SUCLA2: variants seen among roughly 807,000 people sequenced by gnomAD.
SUCLA2 encodes the protein succinate-CoA ligase ADP-forming subunit beta.
Under a neutral mutation model 54.8 loss-of-function variants are expected in SUCLA2, and 30 were observed. The observed-to-expected ratio is 0.55, with a 90% CI of 0.41 to 0.74. The LOEUF (loss-of-function observed/expected upper bound fraction) is 0.74, where lower values mean the gene tolerates loss of function less well. Ranked by LOEUF, SUCLA2 falls within the 30% of genes least tolerant of loss-of-function variation. The pLI, the probability that SUCLA2 is intolerant of heterozygous loss-of-function variation, is 0.00. For synonymous variants in SUCLA2, 172 were observed against 188.9 expected, an observed-to-expected ratio of 0.91 and a Z score of 0.74; for missense variants, 476 against 562.9, an observed-to-expected ratio of 0.85 and a Z score of 1.56.
intron 6 of SUCLA2, among the ~76,000 whole-genome samples, chr13:47,967,848 C>CAAAAAA (rs11349393): frequency 1.0e-5 from 1 of 96,184 alleles, no homozygotes. Context: ...GACTCAGTCT[C>CAAAAAA]AAAAAAAAAA....
At chr13:47,949,104 G>A in intron 9 of SUCLA2, 76 bp from the exon 10 acceptor site, 1 of 1,429,106 alleles carries the variant, frequency 7.0e-7, no homozygotes, top group South Asian at 1.1e-5. Context: ...CCAAAACATG[G>A]TATAAGAATA....
intron 2 of SUCLA2, among the ~76,000 whole-genome samples, chr13:47,996,467 C>T (rs1292107375): frequency 3.9e-5 from 6 of 151,918 alleles, no homozygotes; most frequent in African/African-American, 1.5e-4. Context: ...CTTATAAGCA[C>T]ATAAACAGCT....
intron 3 of SUCLA2, 64 bp downstream of exon 3, chr13:47,988,818 T>C: frequency 1.3e-6 from 2 of 1,595,422 alleles, no homozygotes; most frequent in Non-Finnish European, 1.7e-6. Flanking sequence ...TTTTCATCAA[T>C]TCAATAAGTA....
chr13:47,964,115 A>G (rs540169766), intron 6 of SUCLA2, among the ~76,000 whole-genome samples: 1 of 152,352 alleles, frequency 6.6e-6, no homozygotes, highest in African/African-American at 2.4e-5. Flanking sequence ...ACTTCTATAC[A>G]GTGGAATGCT....
intron 10 of SUCLA2, among the ~76,000 whole-genome samples, chr13:47,946,728 T>C (rs1011685516): frequency 1.3e-5 from 2 of 152,102 alleles, no homozygotes; most frequent in Non-Finnish European, 2.9e-5. Context: ...AATGCAGATA[T>C]AATTGCTTTC....
intron 6 of SUCLA2, among the ~76,000 whole-genome samples, chr13:47,956,013 GCA>G (rs1396912030): frequency 5.9e-5 from 9 of 152,098 alleles, no homozygotes; most frequent in South Asian, 4.1e-4. Flanking sequence ...CTCCCAAAAT[GCA>G]CAGTGTATGA....
intron 2 of SUCLA2, chr13:47,991,407 G>C (rs1248216032): frequency 6.6e-6 from 1 of 152,128 alleles, no homozygotes; most frequent in African/African-American, 2.4e-5. Context: ...TGTCCATGTG[G>C]GAAAAGCCCC....
At chr13:47,953,979 T>C (rs1366853738) in intron 8 of SUCLA2, among the ~76,000 whole-genome samples, 161 bp downstream of exon 8, 1 of 152,052 alleles carries the variant, frequency 6.6e-6, no homozygotes, top group Non-Finnish European at 1.5e-5. Context: ...TCTTGGTGAA[T>C]TGCAAAAATC....
At chr13:47,959,135 T>TA (rs910654193) in intron 6 of SUCLA2, among the ~76,000 whole-genome samples, 2 of 152,132 alleles carry the variant, frequency 1.3e-5, no homozygotes, top group Non-Finnish European at 2.9e-5. Context: ...TAATTCTGTT[T>TA]AAAAAATGTG....
intron 8 of SUCLA2, among the ~76,000 whole-genome samples, chr13:47,952,429 T>G (rs572954929): frequency 2.3e-4 from 35 of 152,216 alleles, no homozygotes; most frequent in Middle Eastern, 3.4e-3. Flanking sequence ...ATCTTTTCAA[T>G]GAACTGTCTA....
At chr13:47,969,331 T>C (rs1211079773) in intron 5 of SUCLA2, among the ~76,000 whole-genome samples, 1 of 152,234 alleles carries the variant, frequency 6.6e-6, no homozygotes, top group Admixed American at 6.5e-5. Context: ...AGAATACATG[T>C]CATACAGTCA....
chr13:47,956,721 T>C (rs2137697687), intron 6 of SUCLA2: 1 of 152,258 alleles, frequency 6.6e-6, no homozygotes, highest in South Asian at 2.1e-4. Context: ...GGAGGCATTT[T>C]TGTTTGTCAC....
intron 4 of SUCLA2, among the ~76,000 whole-genome samples, chr13:47,986,460 T>C (rs983412402): frequency 2.0e-5 from 3 of 152,226 alleles, no homozygotes; most frequent in African/African-American, 4.8e-5. Flanking sequence ...GTCGGAAGGA[T>C]AGATTGCAAA....
chr13:47,979,586 T>C (rs560212326), intron 4 of SUCLA2, among the ~76,000 whole-genome samples: 1 of 152,208 alleles, frequency 6.6e-6, no homozygotes, highest in East Asian at 1.9e-4. Context: ...TGTATACCTA[T>C]GTAACAAACC....
At chr13:47,976,307 A>G (rs1055263603) in intron 4 of SUCLA2, among the ~76,000 whole-genome samples, 1 of 152,224 alleles carries the variant, frequency 6.6e-6, no homozygotes, top group Admixed American at 6.5e-5. Context: ...CTCAAAGCCA[A>G]GAACATCTGC....
intron 8 of SUCLA2, 27 bp downstream of exon 8, chr13:47,954,113 T>TA (rs1485187298): frequency 3.2e-6 from 5 of 1,583,098 alleles, no homozygotes; most frequent in Non-Finnish European, 4.3e-6. Context: ...TTACATGATA[T>TA]AAAAATATAT....
At chr13:47,988,370 C>G in intron 4 of SUCLA2, 171 bp downstream of exon 4, 1 of 673,898 alleles carries the variant, frequency 1.5e-6, no homozygotes, top group Non-Finnish European at 2.4e-6. Context: ...TCAAATTTTA[C>G]GGCATTAAAG....
At chr13:47,971,167 C>G (rs113424246) in intron 5 of SUCLA2, among the ~76,000 whole-genome samples, 7,724 of 152,298 alleles carry the variant, frequency 0.051, 612 homozygotes, top group African/African-American at 0.17. Flanking sequence ...AATCCCAGCA[C>G]TTTGGGAGGC....
At chr13:47,983,130 T>G (rs776171387) in intron 4 of SUCLA2, among the ~76,000 whole-genome samples, 13 of 152,162 alleles carry the variant, frequency 8.5e-5, no homozygotes, top group Non-Finnish European at 1.3e-4. Context: ...AAAAAAAACT[T>G]TTTTAAATAA....
Sources: allele counts gnomAD v4.1 joint callset (sites outside exome capture counted in the v4.1 genomes callset), GRCh38; gene constraint gnomAD v4.1.1; transcripts MANE v1.5; gene names NCBI Gene and HGNC (gene_info 2026-07-23, HGNC 2026-07-21).